RAP1GAP: variants seen among roughly 807,000 people sequenced by gnomAD.
RAP1GAP encodes the protein rap1 GTPase-activating protein 1.
RAP1GAP carries 35 observed loss-of-function variants against 87.2 expected under a neutral mutation model. The ratio of observed to expected loss-of-function variants is 0.40; its 90% CI spans 0.31 to 0.53. The LOEUF (loss-of-function observed/expected upper bound fraction) is 0.53, where lower values mean the gene tolerates loss of function less well. Among genes scored for constraint, RAP1GAP ranks in the 20% least tolerant of loss-of-function variants. RAP1GAP has a pLI of 0.48. For synonymous variants in RAP1GAP, 375 were observed against 363.9 expected (o/e 1.03, Z -0.35); for missense variants, 734 against 898.9 (o/e 0.82, Z 2.35).
At chr1:21,623,501 A>C (rs1422698217) in intron 3 of RAP1GAP, among the ~76,000 whole-genome samples, 2 of 152,230 alleles carry the variant, frequency 1.3e-5, no homozygotes, top group Admixed American at 1.3e-4. Flanking sequence ...TTGCGGGGGC[A>C]GGGCTGCCCA....
chr1:21,633,201 C>T (rs1341334137), intron 2 of RAP1GAP, among the ~76,000 whole-genome samples: 1 of 152,198 alleles, frequency 6.6e-6, no homozygotes, highest in Non-Finnish European at 1.5e-5. Flanking sequence ...GGGCTTGGCC[C>T]TTTGGCCCCC....
At chr1:21,649,644 G>T in intron 2 of RAP1GAP, 117 bp downstream of exon 2, 7 of 1,232,576 alleles carry the variant, frequency 5.7e-6, no homozygotes, top group Non-Finnish European at 8.1e-6. Flanking sequence ...GCCCTGAGAG[G>T]ATGGTTGGAA....
chr1:21,609,265 G>A lies in RAP1GAP; in HGVS notation c.1071+310C>T, dbSNP rs536909340. On this transcript the variant is annotated intron_variant, in intron 15 of 24. Transcript: ENST00000374765. This position sits in a 1 kb window ranked among gnomAD's most constrained non-coding sequence, Gnocchi z 4.4. ...GAGCTGAAGCCCAGGCTTGAAGTGT[G>A]CCCCTCCCCAAACATTTTAGAAGAA... Among the ~76,000 whole-genome samples the A allele has an allele frequency of 1.3e-5, 2 of 152,174 alleles. No homozygotes were observed. The highest frequency in any genetic ancestry group is 4.1e-4 in the South Asian group (2 of 4,822).
In RAP1GAP at chr1:21,609,283, T is replaced by A. The variant is rs1409302129; in HGVS notation, c.1071+292A>T. 1.3e-5 allele frequency among the ~76,000 whole-genome samples: 2 copies of A among 151,144 alleles called. No individual in the cohort carries two copies. Among genetic ancestry groups the A allele is most frequent in the Admixed American group, 1.3e-4 (2 of 15,188 alleles). On this transcript the variant is annotated intron_variant, in intron 15 of 24. Coordinates refer to ENST00000374765, the MANE Select transcript of RAP1GAP (RefSeq NM_002885.4). This position sits in a 1 kb window ranked among gnomAD's most constrained non-coding sequence, Gnocchi z 4.4. Reference sequence around the variant, plus strand: ...GAAGTGTGCCCCTCCCCAAACATTTTAGAAGAAAGAAAGAGACTGGAACTG... The same window carrying A: ...GAAGTGTGCCCCTCCCCAAACATTTAAGAAGAAAGAAAGAGACTGGAACTG...
rs549898124 is a variant in RAP1GAP at position 21,613,372 on chromosome 1, G to T, written c.475-143C>A. ...AAAGCAGGACTCGGGGTTCACTGTT[G>T]CTCAGGGAACGGAGGTCCCCTGAGA... On this transcript the variant is annotated intron_variant, in intron 9 of 24. Coordinates refer to ENST00000374765, the MANE Select transcript of RAP1GAP (RefSeq NM_002885.4). This position sits in a 1 kb window ranked among gnomAD's most constrained non-coding sequence, Gnocchi z 4.7. 1 of 834,184 alleles carries T rather than the reference G, an allele frequency of 1.2e-6. No individual in the cohort carries two copies. Among genetic ancestry groups the T allele is most frequent in the Admixed American group, 2.0e-5 (1 of 48,782 alleles). The allele number at this position is 834,184 out of a possible 1,614,324, so 51.7% of individuals were successfully genotyped here.
intron 2 of RAP1GAP, among the ~76,000 whole-genome samples, chr1:21,636,740 G>A (rs2094732972): frequency 1.3e-5 from 2 of 152,002 alleles, no homozygotes; most frequent in South Asian, 4.2e-4. Flanking sequence ...CCGGGAGATG[G>A]AGGTTGCAGT....
At chr1:21,611,884 G>A in intron 11 of RAP1GAP, 68 bp from the exon 12 acceptor site, 1 of 1,528,296 alleles carries the variant, frequency 6.5e-7, no homozygotes, top group South Asian at 1.1e-5. Flanking sequence ...GTCCCTACTT[G>A]GACCCAGAGA....
chr1:21,627,924 G>A (rs1373969231), intron 2 of RAP1GAP, among the ~76,000 whole-genome samples: 1 of 152,146 alleles, frequency 6.6e-6, no homozygotes, highest in Non-Finnish European at 1.5e-5. Context: ...ATCAGTGTGG[G>A]GGAGATAGTC....
rs772556982 is a variant in RAP1GAP at position 21,610,316 on chromosome 1, G to T, written c.844-41C>A. On this transcript the variant is annotated intron_variant, in intron 13 of 24. Coordinates refer to ENST00000374765, the MANE Select transcript of RAP1GAP (RefSeq NM_002885.4). ...CGGGCCTTCGTGGTCTGGCCAGAGG[G>T]GGCCCATGGGGGAGAGGGGTGCCCA... The T allele has an allele frequency of 2.5e-6, 4 of 1,607,822 alleles. No homozygotes were observed. The East Asian group carries it at 8.9e-5, about 36-fold the overall frequency.
Position 21,599,713 on chromosome 1 carries a change from C to G in RAP1GAP, c.1653-96G>C, listed in dbSNP as rs1301393236. The stretch of plus-strand genomic sequence containing the variant: ...GCCCTCCCCAACCCGGGAGGCCCAG[C>G]TGGTAGCAGCCAAGCACCTTTGAGG... On this transcript the variant is annotated intron_variant, in intron 20 of 24. Coordinates refer to ENST00000374765, the MANE Select transcript of RAP1GAP (RefSeq NM_002885.4). The G allele has an allele frequency of 4.7e-6, 7 of 1,495,172 alleles. No individual in the cohort carries two copies. In the South Asian group the frequency reaches 7.8e-5, roughly 17 times the overall value. The allele number at this position is 1,495,172 out of a possible 1,614,324, so 92.6% of individuals were successfully genotyped here. A position where few individuals can be genotyped will look rare whatever the true frequency, so the allele number is the denominator to read the frequency against.
At chr1:21,606,250 T>C in intron 17 of RAP1GAP, 53 bp from the exon 18 acceptor site, 1 of 1,539,014 alleles carries the variant, frequency 6.5e-7, no homozygotes, top group South Asian at 1.2e-5. Context: ...GGCCGTCCCC[T>C]TGGGGAAACC....
intron 1 of RAP1GAP, among the ~76,000 whole-genome samples, chr1:21,663,635 C>A (rs1254002849): frequency 6.6e-6 from 1 of 152,176 alleles, no homozygotes; most frequent in Non-Finnish European, 1.5e-5. Flanking sequence ...AGAGGGCTGT[C>A]CTCTGAGCAG....
intron 2 of RAP1GAP, among the ~76,000 whole-genome samples, chr1:21,633,526 G>C (rs1214178567): frequency 6.6e-6 from 1 of 152,176 alleles, no homozygotes; most frequent in Non-Finnish European, 1.5e-5. Flanking sequence ...GCTGGGACCG[G>C]GAGCAGGGGA....
rs1057285184 is a variant in RAP1GAP, at chr1:21,620,171, G to A, written c.-18-121C>T. 25 of 1,020,804 alleles carry A rather than the reference G, an allele frequency of 2.4e-5. No individual in the cohort carries two copies. The African/African-American group carries it at 4.0e-4, about 16-fold the overall frequency. 63.2% of individuals were successfully genotyped at this position (1,020,804 alleles called of 1,614,324 possible). ...ATCAGTGACCGAGGCACCTGTCTGA[G>A]TAGCAAGCGGGAGTGACGGGAGCAT... is the stretch of plus-strand genomic sequence containing the variant. On this transcript the variant is annotated intron_variant, in intron 3 of 24. Transcript: ENST00000374765.
At chr1:21,635,004 C>T (rs1015282798) in intron 2 of RAP1GAP, among the ~76,000 whole-genome samples, 3 of 152,246 alleles carry the variant, frequency 2.0e-5, no homozygotes, top group African/African-American at 7.2e-5. Context: ...TGCCATCAAC[C>T]CTCTCAACAG....
At chr1:21,614,130 A>G in intron 7 of RAP1GAP, 41 bp from the exon 8 acceptor site, 1 of 1,392,354 alleles carries the variant, frequency 7.2e-7, no homozygotes, top group Non-Finnish European at 1.0e-6. Context: ...GGTGAGGCTG[A>G]GCATGGGGCT....
intron 3 of RAP1GAP, among the ~76,000 whole-genome samples, chr1:21,621,772 C>T (rs1334568729): frequency 1.3e-5 from 2 of 152,180 alleles, no homozygotes; most frequent in Admixed American, 6.5e-5. Context: ...ATTAATGTCC[C>T]CCATTAAGAC....
intron 20 of RAP1GAP, among the ~76,000 whole-genome samples, chr1:21,601,380 G>A (rs1257393083): frequency 1.3e-5 from 2 of 152,130 alleles, no homozygotes; most frequent in Non-Finnish European, 2.9e-5. Context: ...ACCCTGCTTC[G>A]GGTTCCTCCT....
rs1462091324 is a variant in RAP1GAP at position 21,663,599 on chromosome 1, C to T, written c.-149+5655G>A. ...AGCCACCTCCACCCTACCCCTCGAG[C>T]CCTGAATCAAGGAGTGAGGCCTTGG... On this transcript the variant is annotated intron_variant, in intron 1 of 24. Transcript: ENST00000374765. Among the ~76,000 whole-genome samples, 4 of 152,300 alleles carry T rather than the reference C, an allele frequency of 2.6e-5. No homozygotes were observed. The East Asian group carries it at 5.8e-4, about 22-fold the overall frequency.
Sources: gnomAD v4.1 joint callset for allele counts (sites outside exome capture counted in the v4.1 genomes callset) on GRCh38, gnomAD v4.1.1 for gene constraint, Gnocchi (gnomAD v3.1) non-coding constraint, MANE v1.5 for transcripts, NCBI Gene and HGNC (gene_info 2026-07-23, HGNC 2026-07-21) for gene names.